LRBA: variants seen among roughly 807,000 people sequenced by gnomAD.
The protein encoded by LRBA is LPS responsive beige-like anchor protein, also known as lipopolysaccharide-responsive and beige-like anchor protein.
Under a neutral mutation model 330.0 loss-of-function variants are expected in LRBA, and 176 were observed. The ratio of observed to expected loss-of-function variants is 0.53; its 90% CI spans 0.47 to 0.60. The LOEUF is 0.60. Among genes scored for constraint, LRBA ranks in the 20% least tolerant of loss-of-function variants. The pLI is 0.00. For missense variants in LRBA, 3,259 were observed against 3,444.8 expected (o/e 0.95, Z 1.35); for synonymous variants, 1,230 against 1,193.0 (o/e 1.03, Z -0.64).
chr4:150,305,129 G>A (rs1024976855), intron 52 of LRBA, among the ~76,000 whole-genome samples: 5 of 152,170 alleles, frequency 3.3e-5, no homozygotes, highest in Admixed American at 1.3e-4. Context: ...TGAGGTAGAC[G>A]ACATAGAGGA....
intron 18 of LRBA, 97 bp from the exon 19 acceptor site, chr4:150,871,550 A>G (rs1439639119): frequency 1.3e-5 from 9 of 689,076 alleles, no homozygotes; most frequent in Non-Finnish European, 2.4e-5. Flanking sequence ...ACTTTTTCAC[A>G]TTACAAACAA....
chr4:150,435,761 G>A (rs1269038708), intron 45 of LRBA, 53 bp from the exon 46 acceptor site: 1 of 1,484,908 alleles, frequency 6.7e-7, no homozygotes. Context: ...ATAAAAATGT[G>A]GTTTTTATAA....
At chr4:150,461,983 C>T (rs989608776) in intron 44 of LRBA, among the ~76,000 whole-genome samples, 2 of 151,520 alleles carry the variant, frequency 1.3e-5, no homozygotes, top group African/African-American at 4.8e-5. Flanking sequence ...CAAAGGAAGC[C>T]CTGGTACTGA....
intron 2 of LRBA, among the ~76,000 whole-genome samples, chr4:150,980,782 A>G (rs1740745150): frequency 6.6e-6 from 1 of 152,238 alleles, no homozygotes; most frequent in Non-Finnish European, 1.5e-5. Flanking sequence ...TTAATTCAGT[A>G]AAGTTGTAGA....
Position 150,745,942 on chromosome 4 carries a change from C to T in LRBA, c.5646-10576G>A, listed in dbSNP as rs554212697. Among the ~76,000 whole-genome samples the T allele has an allele frequency of 4.6e-5, 7 of 152,270 alleles. No individual in the cohort carries two copies. The East Asian group carries it at 5.8e-4, about 13-fold the overall frequency. ...AGGATATTTCTGTCTTGATGTTTCA[C>T]TCATTTTTCTGGTTACATAGCATTT... On this transcript the variant is annotated intron_variant, in intron 35 of 56. Transcript: ENST00000651943.
At chr4:150,690,434 T>C (rs1784018532) in intron 36 of LRBA, among the ~76,000 whole-genome samples, 1 of 150,292 alleles carries the variant, frequency 6.7e-6, no homozygotes, top group African/African-American at 2.5e-5. Context: ...ACCAGGGAGT[T>C]GGAGGTTGCA....
intron 51 of LRBA, chr4:150,310,723 G>C: frequency 5.2e-6 from 1 of 193,242 alleles, no homozygotes. Flanking sequence ...TTGTGTTTCT[G>C]ACAATCTCAT....
Position 150,900,193 on chromosome 4 carries a change from G to A in LRBA, c.1780C>T (p.Leu594=), listed in dbSNP as rs1458861818. 1.2e-5 allele frequency: 19 copies of A among 1,612,324 alleles called. No homozygotes were observed. The highest frequency in any genetic ancestry group is 1.5e-5 in the Non-Finnish European group (18 of 1,179,030). The change falls in exon 14 of 57, where the codon CTG becomes TTG. Residue 594 remains leucine, a synonymous_variant. Coordinates refer to ENST00000651943, the MANE Select transcript of LRBA (RefSeq NM_001364905.1). ...AKVQLMLYTY[L]STEFIGTVNI... ...ACTGTACCAATGAATTCCGTGGACAGATAAGTATAGAGCATCAGTTGAACC... is the reference window on the plus strand; with the variant it reads ...ACTGTACCAATGAATTCCGTGGACAAATAAGTATAGAGCATCAGTTGAACC...
At chr4:150,977,370 G>A (rs1214489742) in intron 2 of LRBA, among the ~76,000 whole-genome samples, 1 of 152,092 alleles carries the variant, frequency 6.6e-6, no homozygotes, top group African/African-American at 2.4e-5. Flanking sequence ...GTCGTAGCTC[G>A]GGCAACATAT....
At chr4:150,750,773 C>T (rs140354565) in intron 35 of LRBA, among the ~76,000 whole-genome samples, 8 of 151,938 alleles carry the variant, frequency 5.3e-5, no homozygotes, top group Non-Finnish European at 8.8e-5. Flanking sequence ...ACTGTAGGTA[C>T]GGCATATATT....
intron 36 of LRBA, among the ~76,000 whole-genome samples, chr4:150,692,274 A>T (rs750957485): frequency 1.6e-4 from 24 of 152,160 alleles, no homozygotes; most frequent in Non-Finnish European, 3.2e-4. Flanking sequence ...GCTGGAGTGC[A>T]GTGGTGTGAT....
At chr4:150,902,724 T>G (rs760987589) in intron 13 of LRBA, among the ~76,000 whole-genome samples, 3 of 152,198 alleles carry the variant, frequency 2.0e-5, no homozygotes, top group Non-Finnish European at 4.4e-5. Context: ...CCTTCATTCT[T>G]CCCTTGCTTT....
At chr4:150,951,582 C>A (rs1156615040) in intron 2 of LRBA, among the ~76,000 whole-genome samples, 1 of 152,068 alleles carries the variant, frequency 6.6e-6, no homozygotes, top group Admixed American at 6.5e-5. Context: ...CTTGAGGAAA[C>A]ACAATAGATA....
rs1344829001 is a variant in LRBA, at chr4:150,905,913, A to G, written c.1680T>C (p.Asn560=). 3.1e-6 allele frequency: 5 copies of G among 1,613,578 alleles called. No individual in the cohort carries two copies. The highest frequency in any genetic ancestry group is 3.4e-6 in the Non-Finnish European group (4 of 1,179,548). ...AFSKYLSNLQ[N]GMPLLKQLCD... ...ACAATTGCTTGAGCAGGGGCATCCC[A>G]TTCTGCAGATTACTCAGATATTTTG... Residue 560 remains asparagine (N), a synonymous_variant, in exon 13 of 57, where the codon AAT becomes AAC. Coordinates refer to ENST00000651943, the MANE Select transcript of LRBA (RefSeq NM_001364905.1).
In LRBA at chr4:150,871,360, A is replaced by T. The variant is rs1753419312; in HGVS notation, c.2352T>A (p.Tyr784Ter). ...LQTNLITMTT[Y>*]NVLFEILIEQ... Reference sequence around the variant, plus strand: ...ACATTCCTACCTCAAACAGCACATTATATGTGGTCATTGTGATTAAATTTG... The same window carrying T: ...ACATTCCTACCTCAAACAGCACATTTTATGTGGTCATTGTGATTAAATTTG... Residue 784 changes from tyrosine (Y) to a stop codon, truncating the protein, a stop_gained, in exon 19 of 57, where the codon TAT becomes TAA. Coordinates refer to ENST00000651943, the MANE Select transcript of LRBA (RefSeq NM_001364905.1). LOFTEE classifies it high-confidence loss of function. 1 of 1,603,254 alleles carries T rather than the reference A, an allele frequency of 6.2e-7. No individual in the cohort carries two copies. Among genetic ancestry groups the T allele is most frequent in the Non-Finnish European group, 8.5e-7 (1 of 1,170,686 alleles).
intron 51 of LRBA, 174 bp from the exon 52 acceptor site, chr4:150,310,558 G>A: frequency 2.0e-6 from 1 of 497,492 alleles, no homozygotes; most frequent in Non-Finnish European, 3.5e-6. Flanking sequence ...AATGTGGGTA[G>A]CTAAATTCAA....
At chr4:150,646,641 G>A (rs1779163147) in intron 37 of LRBA, among the ~76,000 whole-genome samples, 1 of 152,072 alleles carries the variant, frequency 6.6e-6, no homozygotes, top group Non-Finnish European at 1.5e-5. Flanking sequence ...TGTCTAATCA[G>A]GTAGGACATT....
chr4:150,951,603 C>G (rs1196028849), intron 2 of LRBA, among the ~76,000 whole-genome samples: 1 of 151,990 alleles, frequency 6.6e-6, no homozygotes, highest in Non-Finnish European at 1.5e-5. Context: ...ATAAGACCTA[C>G]CTATAAACAA....
intron 37 of LRBA, among the ~76,000 whole-genome samples, chr4:150,666,283 A>G (rs1419106140): frequency 6.6e-6 from 1 of 152,196 alleles, no homozygotes; most frequent in Admixed American, 6.5e-5. Context: ...CTGTAATCTC[A>G]GCACTTTGGG....
Sources: gnomAD v4.1 joint callset for allele counts (sites outside exome capture counted in the v4.1 genomes callset) on GRCh38, gnomAD v4.1.1 for gene constraint, MANE v1.5 for transcripts, NCBI Gene and HGNC (gene_info 2026-07-23, HGNC 2026-07-21) for gene names.